Variants in RPH3A observed in about 807,000 individuals in gnomAD.
The protein encoded by RPH3A is rabphilin 3A, also known as rabphilin-3A.
Under a neutral mutation model 102.2 loss-of-function variants are expected in RPH3A, and 48 were observed. That is an observed-to-expected ratio of 0.47 (90% CI 0.37 to 0.60). The LOEUF is 0.60. Among genes scored for constraint, RPH3A ranks in the 20% least tolerant of loss-of-function variants. RPH3A has a pLI of 0.00. For synonymous variants in RPH3A, 310 were observed against 324.3 expected, an observed-to-expected ratio of 0.96 and a Z score of 0.47; for missense variants, 781 against 910.1, an observed-to-expected ratio of 0.86 and a Z score of 1.83.
chr12:112,628,568 CAAAAAAAAAAAAAAAAAAAAAA>C (rs771688201), intron 1 of RPH3A, among the ~76,000 whole-genome samples: 15 of 27,048 alleles, frequency 5.5e-4, no homozygotes, highest in East Asian at 1.4e-3. Flanking sequence ...GTCTTTACCA[CAAAAAAAAAAAAAAAAAAAAAA>C]AAAAAAAAAA....
At chr12:112,709,353 C>G (rs140988797) in intron 1 of RPH3A, among the ~76,000 whole-genome samples, 2 of 152,138 alleles carry the variant, frequency 1.3e-5, no homozygotes, top group African/African-American at 4.8e-5. Flanking sequence ...AGTTTGAGAC[C>G]AGCCTGGGTA....
intron 3 of RPH3A, among the ~76,000 whole-genome samples, chr12:112,833,500 A>G (rs1018487225): frequency 1.2e-5 from 1 of 80,188 alleles, no homozygotes; most frequent in Non-Finnish European, 3.0e-5. Flanking sequence ...TTTTCTTCAG[A>G]GATATTTACA....
intron 1 of RPH3A, among the ~76,000 whole-genome samples, chr12:112,655,104 G>T (rs971738663): frequency 2.0e-5 from 3 of 152,328 alleles, no homozygotes; most frequent in African/African-American, 4.8e-5. Context: ...ACCACAAAGG[G>T]TTTCATTTTG....
At chr12:112,671,512 T>G (rs1272137231) in intron 1 of RPH3A, among the ~76,000 whole-genome samples, 1 of 152,168 alleles carries the variant, frequency 6.6e-6, no homozygotes, top group Non-Finnish European at 1.5e-5. Flanking sequence ...TGTTCACATC[T>G]CATCAGTCAG....
At position 112,896,499 on chromosome 12, in the gene RPH3A, C is replaced by T. The variant is rs547264737; in HGVS notation, c.1955-151C>T. ...AGGACCGTAATAATAATAACAACAA[C>T]AGCAGCAACGTTATAACAACTCTCT... is the stretch of plus-strand genomic sequence containing the variant. On this transcript the variant is annotated intron_variant, in intron 21 of 21. Transcript: ENST00000389385. The T allele has an allele frequency of 1.0e-4, 87 of 838,292 alleles. No homozygotes were observed. The African/African-American group carries it at 1.4e-3, about 14-fold the overall frequency. 51.9% of individuals were successfully genotyped at this position (838,292 alleles called of 1,614,324 possible). A position where few individuals can be genotyped will look rare whatever the true frequency, so the allele number is the denominator to read the frequency against.
intron 10 of RPH3A, chr12:112,874,774 C>G (rs2042765371): frequency 3.0e-6 from 1 of 337,664 alleles, no homozygotes; most frequent in South Asian, 4.9e-5. Context: ...GTGATTATCT[C>G]CATATACCAG....
chr12:112,673,295 G>A (rs1278385128), intron 1 of RPH3A, among the ~76,000 whole-genome samples: 1 of 152,028 alleles, frequency 6.6e-6, no homozygotes, highest in Non-Finnish European at 1.5e-5. Context: ...TTCTTGTTAG[G>A]AGTATCATCA....
At chr12:112,602,249 C>T (rs1443738378) in intron 1 of RPH3A, among the ~76,000 whole-genome samples, 3 of 152,140 alleles carry the variant, frequency 2.0e-5, no homozygotes, top group South Asian at 2.1e-4. Flanking sequence ...CTTCTTTAAT[C>T]CCCATTCCTT....
At chr12:112,652,022 C>T (rs1209733995) in intron 1 of RPH3A, among the ~76,000 whole-genome samples, 1 of 152,168 alleles carries the variant, frequency 6.6e-6, no homozygotes, top group African/African-American at 2.4e-5. Flanking sequence ...GGGTTGTTTC[C>T]ACATTTTGGC....
chr12:112,846,004 G>C (rs2042222770), intron 4 of RPH3A, among the ~76,000 whole-genome samples: 1 of 152,082 alleles, frequency 6.6e-6, no homozygotes, highest in African/African-American at 2.4e-5. Flanking sequence ...AGAAGACTTG[G>C]GCATTTAAGA....
At chr12:112,606,067 T>C (rs546750405) in intron 1 of RPH3A, among the ~76,000 whole-genome samples, 1 of 152,336 alleles carries the variant, frequency 6.6e-6, no homozygotes, top group African/African-American at 2.4e-5. Context: ...GCCACTTATC[T>C]ATGTATCTTT....
At chr12:112,670,146 A>T (rs1044722620) in intron 1 of RPH3A, among the ~76,000 whole-genome samples, 4 of 152,172 alleles carry the variant, frequency 2.6e-5, no homozygotes, top group Non-Finnish European at 5.9e-5. Context: ...CCATTTACTC[A>T]TCCACTTATA....
At chr12:112,630,151 C>CCCAT (rs957110656) in intron 1 of RPH3A, among the ~76,000 whole-genome samples, 9 of 151,944 alleles carry the variant, frequency 5.9e-5, no homozygotes, top group South Asian at 2.1e-4. Flanking sequence ...CACCCACCCA[C>CCCAT]CCATCCATCC....
At chr12:112,894,753 T>G in intron 20 of RPH3A, 94 bp downstream of exon 20, 4 of 972,090 alleles carry the variant, frequency 4.1e-6, no homozygotes, top group Non-Finnish European at 4.6e-6. Context: ...TGTGGCCACA[T>G]AGCCATTAAA....
chr12:112,620,564 C>T (rs1480506967), intron 1 of RPH3A, among the ~76,000 whole-genome samples: 8 of 152,124 alleles, frequency 5.3e-5, no homozygotes, highest in Admixed American at 3.3e-4. Context: ...TCCAGCCTGG[C>T]GGGTCCCCTA....
chr12:112,877,419 TAC>T (rs3038114), intron 13 of RPH3A, among the ~76,000 whole-genome samples: 65,186 of 141,314 alleles, frequency 0.46, 16,462 homozygotes, highest in East Asian at 0.64. Context: ...CACACACGTA[TAC>T]ACACACACAC....
At chr12:112,576,646 C>T (rs924387210) in intron 1 of RPH3A, among the ~76,000 whole-genome samples, 1 of 152,182 alleles carries the variant, frequency 6.6e-6, no homozygotes, top group Non-Finnish European at 1.5e-5. Flanking sequence ...TGAGGCCCTG[C>T]ACCCAGCCCT....
intron 1 of RPH3A, among the ~76,000 whole-genome samples, chr12:112,705,335 T>A (rs181222991): frequency 2.0e-5 from 3 of 152,280 alleles, no homozygotes; most frequent in Admixed American, 2.0e-4. Flanking sequence ...AGCTATAAAT[T>A]CTATTTTTAT....
At chr12:112,716,603 A>G (rs1267751760) in intron 1 of RPH3A, among the ~76,000 whole-genome samples, 1 of 152,188 alleles carries the variant, frequency 6.6e-6, no homozygotes, top group Non-Finnish European at 1.5e-5. Flanking sequence ...TTAAAGGCAC[A>G]AGTTGGAAGG....
Sources: allele counts gnomAD v4.1 joint callset (sites outside exome capture counted in the v4.1 genomes callset), GRCh38; gene constraint gnomAD v4.1.1; transcripts MANE v1.5; gene names NCBI Gene and HGNC (gene_info 2026-07-23, HGNC 2026-07-21).